Variants in RNF144B observed in about 807,000 individuals in gnomAD.
The protein encoded by RNF144B is E3 ubiquitin-protein ligase RNF144B.
RNF144B carries 25 observed loss-of-function variants against 40.2 expected under a neutral mutation model. The observed-to-expected ratio is 0.62, with a 90% CI of 0.45 to 0.87. RNF144B has a LOEUF of 0.87. RNF144B is among the 40% of genes least tolerant of loss of function. The pLI is 0.00. For missense variants in RNF144B, 365 were observed against 373.7 expected, an observed-to-expected ratio of 0.98 and a Z score of 0.19; for synonymous variants, 145 against 136.3, an observed-to-expected ratio of 1.06 and a Z score of -0.44.
chr6:18,442,528 A>G lies in RNF144B; in HGVS notation c.331+2784A>G, dbSNP rs769960653. On this transcript the variant is annotated intron_variant, in intron 4 of 7. Transcript: ENST00000259939. This position sits in a 1 kb window ranked among gnomAD's most constrained non-coding sequence, Gnocchi z 4.3. ...TTATCTATACAAATGTTAAAATTCT[A>G]TACTTTTCTTTTTGTTATTAAACAT... Among the ~76,000 whole-genome samples the G allele has an allele frequency of 1.3e-5, 2 of 152,328 alleles. No individual in the cohort carries two copies. The highest frequency in any genetic ancestry group is 3.9e-4 in the East Asian group (2 of 5,190).
At position 18,395,111 on chromosome 6, in the gene RNF144B, C is replaced by T. The variant is rs569718719; in HGVS notation, c.-36-4388C>T. 6.6e-6 allele frequency among the ~76,000 whole-genome samples: 1 copy of T among 152,300 alleles called. No homozygotes were observed. The highest frequency in any genetic ancestry group is 1.5e-5 in the Non-Finnish European group (1 of 68,046). On this transcript the variant is annotated intron_variant, in intron 1 of 7. Transcript: ENST00000259939. The surrounding 1 kb of genome is among the most constrained non-coding windows in gnomAD (Gnocchi z 4.5). ...CACTCGGTGAGAGGCACAGTCACAT[C>T]TATAATCACTGTAAAAGTAATTATA...
At chr6:18,430,045 A>G (rs552460707) in intron 3 of RNF144B, among the ~76,000 whole-genome samples, 1 of 152,260 alleles carries the variant, frequency 6.6e-6, no homozygotes, top group Non-Finnish European at 1.5e-5. Flanking sequence ...TCTATTAAAC[A>G]TAAGTGAATA....
chr6:18,415,803 G>A (rs1795138651), intron 2 of RNF144B, among the ~76,000 whole-genome samples: 1 of 149,696 alleles, frequency 6.7e-6, no homozygotes, highest in Non-Finnish European at 1.5e-5. Flanking sequence ...CGTACCTCAT[G>A]GTTGAAGGGG....
intron 4 of RNF144B, among the ~76,000 whole-genome samples, chr6:18,451,570 G>A (rs900884452): frequency 2.0e-5 from 3 of 152,214 alleles, no homozygotes; most frequent in African/African-American, 4.8e-5. Context: ...AAGACAGAGT[G>A]ACGAGAAGTG....
chr6:18,428,613 G>T (rs932906154), intron 3 of RNF144B, among the ~76,000 whole-genome samples: 1 of 151,940 alleles, frequency 6.6e-6, no homozygotes, highest in African/African-American at 2.4e-5. Context: ...TAGGGTGTTT[G>T]TAAGCCTCTG....
At chr6:18,433,787 C>A (rs948275401) in intron 3 of RNF144B, among the ~76,000 whole-genome samples, 3 of 152,154 alleles carry the variant, frequency 2.0e-5, no homozygotes, top group Admixed American at 6.5e-5. Context: ...TGAGAGACTT[C>A]AGCTTGTTAG....
rs1304583847 is a variant in RNF144B, at chr6:18,418,076, C to T, written c.166-9505C>T. 6.6e-6 allele frequency among the ~76,000 whole-genome samples: 1 copy of T among 152,066 alleles called. No homozygotes were observed. Among genetic ancestry groups the T allele is most frequent in the Non-Finnish European group, 1.5e-5 (1 of 67,998 alleles). On this transcript the variant is annotated intron_variant, in intron 2 of 7. Coordinates refer to ENST00000259939, the MANE Select transcript of RNF144B (RefSeq NM_182757.4). This position sits in a 1 kb window ranked among gnomAD's most constrained non-coding sequence, Gnocchi z 5.2. ...ATTAAGATGGCTATAATAAAAAAGA[C>T]AGAAAATAACGAGTTTTGATGAGAA...
At position 18,444,790 on chromosome 6, in the gene RNF144B, C is replaced by A. The variant is rs12174072; in HGVS notation, c.331+5046C>A. ...TTGCGTGTCTATCCTATGCCAGGTG[C>A]CATTCCAATGCTTCTTCAAGCTGTG... is the stretch of plus-strand genomic sequence containing the variant. On this transcript the variant is annotated intron_variant, in intron 4 of 7. Transcript: ENST00000259939. The surrounding 1 kb of genome is among the most constrained non-coding windows in gnomAD (Gnocchi z 4.3). Among the ~76,000 whole-genome samples the A allele has an allele frequency of 0.031, 4,652 of 152,222 alleles. 155 individuals are homozygous for A. The highest frequency in any genetic ancestry group is 0.16 in the South Asian group (789 of 4,824).
At chr6:18,397,449 T>C (rs1004563681) in intron 1 of RNF144B, among the ~76,000 whole-genome samples, 2 of 152,222 alleles carry the variant, frequency 1.3e-5, no homozygotes, top group African/African-American at 4.8e-5. Flanking sequence ...TATAGGATTT[T>C]GCTTTTGTTT....
Position 18,387,644 on chromosome 6 carries a change from G to A in RNF144B, c.-37+14G>A, listed in dbSNP as rs780945100. ...GTCTGCTGCCAGGTAGGTTTAGCGAGCTTTTTAAAGGCTACAGGCGTTGCA... is the reference window on the plus strand; with the variant it reads ...GTCTGCTGCCAGGTAGGTTTAGCGAACTTTTTAAAGGCTACAGGCGTTGCA... On this transcript the variant is annotated intron_variant, in intron 1 of 7. Transcript: ENST00000259939. The A allele has an allele frequency of 3.9e-6, 5 of 1,294,422 alleles. No individual in the cohort carries two copies. Among genetic ancestry groups the A allele is most frequent in the Admixed American group, 2.3e-5 (1 of 43,932 alleles). The allele number at this position is 1,294,422 out of a possible 1,614,324, so 80.2% of individuals were successfully genotyped here.
intron 2 of RNF144B, among the ~76,000 whole-genome samples, chr6:18,424,750 A>G (rs1758508822): frequency 6.7e-6 from 1 of 148,654 alleles, no homozygotes; most frequent in Non-Finnish European, 1.5e-5. Context: ...TTCCTATTTA[A>G]TGCTAAACTT....
chr6:18,400,833 G>C lies in RNF144B; in HGVS notation c.165+1134G>C, dbSNP rs1205472034. On this transcript the variant is annotated intron_variant, in intron 2 of 7. Coordinates refer to ENST00000259939, the MANE Select transcript of RNF144B (RefSeq NM_182757.4). The surrounding 1 kb of genome is among the most constrained non-coding windows in gnomAD (Gnocchi z 5.6). ...TGTAGGAGTTCAGGGCTTAGAGGAT[G>C]TTGCTGTTTTAGGTAGGGGGATCAG... Among the ~76,000 whole-genome samples the C allele has an allele frequency of 6.6e-6, 1 of 152,156 alleles. No homozygotes were observed. Among genetic ancestry groups the C allele is most frequent in the Non-Finnish European group, 1.5e-5 (1 of 68,030 alleles).
In RNF144B at chr6:18,456,396, C is replaced by T. The variant is rs1405924695; in HGVS notation, c.332-759C>T. ...AATTTCCTGGGAATGTGGAAGAAAC[C>T]TCACTATCTGTTTCTCAGTGCCTGA... is the stretch of plus-strand genomic sequence containing the variant. On this transcript the variant is annotated intron_variant, in intron 4 of 7. Transcript: ENST00000259939. This position sits in a 1 kb window ranked among gnomAD's most constrained non-coding sequence, Gnocchi z 4.7. 6.6e-6 allele frequency among the ~76,000 whole-genome samples: 1 copy of T among 152,164 alleles called. No individual in the cohort carries two copies. The highest frequency in any genetic ancestry group is 1.5e-5 in the Non-Finnish European group (1 of 68,032).
In RNF144B at chr6:18,466,187, T is replaced by C. The variant is rs1213202444; in HGVS notation, c.*1120T>C. 6.6e-6 allele frequency: 1 copy of C among 152,262 alleles called. No individual in the cohort carries two copies. The highest frequency in any genetic ancestry group is 2.4e-5 in the African/African-American group (1 of 41,478). 9.4% of individuals were successfully genotyped at this position (152,262 alleles called of 1,614,324 possible). On this transcript the variant is annotated 3_prime_UTR_variant, in exon 8 of 8. Transcript: ENST00000259939. ...GCATATTATATATGTGAATTTTGGT[T>C]GTAAGTTCATAACTTACCCAAGGGT...
rs964892483 is a variant in RNF144B, at chr6:18,412,006, G to A, written c.165+12307G>A. On this transcript the variant is annotated intron_variant, in intron 2 of 7. Transcript: ENST00000259939. The surrounding 1 kb of genome is among the most constrained non-coding windows in gnomAD (Gnocchi z 4.2). ...GGTTGTATGAAAATTTATTTAACTG[G>A]GCCCCTCCTAAATAATGGATTTTAA... is the stretch of plus-strand genomic sequence containing the variant. Among the ~76,000 whole-genome samples the A allele has an allele frequency of 1.3e-5, 2 of 151,896 alleles. No individual in the cohort carries two copies. The highest frequency in any genetic ancestry group is 2.9e-5 in the Non-Finnish European group (2 of 67,994).
At chr6:18,427,967 T>C (rs1758602264) in intron 3 of RNF144B, among the ~76,000 whole-genome samples, 1 of 152,180 alleles carries the variant, frequency 6.6e-6, no homozygotes, top group South Asian at 2.1e-4. Context: ...GTTAGGAGGC[T>C]GATATGATTT....
rs775872551 is a variant in RNF144B at position 18,432,266 on chromosome 6, A to T, written c.270+4581A>T. ...AGGTCCTGGAACCAGTGCCCTTCAG[A>T]TACTGAGGGATGACTCTACTGTTCC... On this transcript the variant is annotated intron_variant, in intron 3 of 7. Coordinates refer to ENST00000259939, the MANE Select transcript of RNF144B (RefSeq NM_182757.4). Among the ~76,000 whole-genome samples, 59 of 152,194 alleles carry T rather than the reference A, an allele frequency of 3.9e-4. 1 individual carries two copies. The highest frequency in any genetic ancestry group is 1.3e-3 in the African/African-American group (55 of 41,442).
chr6:18,430,702 C>G (rs1465718084), intron 3 of RNF144B, among the ~76,000 whole-genome samples: 1 of 151,536 alleles, frequency 6.6e-6, no homozygotes, highest in Non-Finnish European at 1.5e-5. Flanking sequence ...GTTTTCCAGC[C>G]TGGGCTCAAG....
chr6:18,387,386 G>T lies in RNF144B; in HGVS notation c.-281G>T, dbSNP rs1794467663. 3.4e-6 allele frequency: 4 copies of T among 1,169,246 alleles called. No individual in the cohort carries two copies. Among genetic ancestry groups the T allele is most frequent in the Non-Finnish European group, 4.3e-6 (4 of 929,192 alleles). The allele number at this position is 1,169,246 out of a possible 1,614,324, so 72.4% of individuals were successfully genotyped here. On this transcript the variant is annotated 5_prime_UTR_variant, in exon 1 of 8. Transcript: ENST00000259939. ...CACGCTCCCGCTGCAACAGTCCCGGGCATCGCAGCTGCCAGTCAAGGCTAG... is the reference window on the plus strand; with the variant it reads ...CACGCTCCCGCTGCAACAGTCCCGGTCATCGCAGCTGCCAGTCAAGGCTAG...
Sources: allele counts gnomAD v4.1 joint callset (sites outside exome capture counted in the v4.1 genomes callset), GRCh38; gene constraint gnomAD v4.1.1; non-coding constraint Gnocchi (gnomAD v3.1); transcripts MANE v1.5; gene names NCBI Gene and HGNC (gene_info 2026-07-23, HGNC 2026-07-21).